Variants in ATP6V1C2 observed in about 807,000 individuals in gnomAD.
ATP6V1C2 encodes ATPase H+ transporting V1 subunit C2.
ATP6V1C2 carries 45 observed loss-of-function variants against 56.8 expected under a neutral mutation model. The observed-to-expected ratio is 0.79, with a 90% CI of 0.62 to 1.02. The LOEUF (loss-of-function observed/expected upper bound fraction) is 1.02, where lower values mean the gene tolerates loss of function less well. ATP6V1C2 is among the 50% of genes least tolerant of loss of function. The pLI is 0.00. For missense variants in ATP6V1C2, 463 were observed against 519.7 expected, an observed-to-expected ratio of 0.89 and a Z score of 1.06; for synonymous variants, 220 against 201.3, an observed-to-expected ratio of 1.09 and a Z score of -0.79.
At position 10,784,358 on chromosome 2, in the gene ATP6V1C2, T is replaced by A; in HGVS notation, c.*1095T>A. The stretch of plus-strand genomic sequence containing the variant: ...GACGACAGAAAGCCACTGTTAGATC[T>A]GCAGAAGGGGACACCCTGGAAGGTC... On this transcript the variant is annotated 3_prime_UTR_variant, in exon 14 of 14. Transcript: ENST00000272238. The A allele has an allele frequency of 6.4e-7, 1 of 1,572,952 alleles. No homozygotes were observed. The highest frequency in any genetic ancestry group is 8.7e-7 in the Non-Finnish European group (1 of 1,147,154).
intron 5 of ATP6V1C2, 146 bp downstream of exon 5, chr2:10,764,571 AG>A (rs1664113862): frequency 3.0e-6 from 2 of 676,884 alleles, no homozygotes; most frequent in South Asian, 3.6e-5. Flanking sequence ...TGCACTGGGC[AG>A]GTTTGGGGTT....
At chr2:10,723,566 C>T (rs1262271999) in intron 2 of ATP6V1C2, among the ~76,000 whole-genome samples, 1 of 151,822 alleles carries the variant, frequency 6.6e-6, no homozygotes, top group Non-Finnish European at 1.5e-5. Context: ...AGGCCAGGCG[C>T]GGTGGCTCAC....
At chr2:10,721,944 G>C (rs1415441279) in intron 1 of ATP6V1C2, among the ~76,000 whole-genome samples, 1 of 152,238 alleles carries the variant, frequency 6.6e-6, no homozygotes, top group Non-Finnish European at 1.5e-5. Context: ...GCGGAAAGGA[G>C]CTGCGTTGGG....
intron 3 of ATP6V1C2, among the ~76,000 whole-genome samples, chr2:10,752,293 T>C (rs926392919): frequency 6.6e-6 from 1 of 152,206 alleles, no homozygotes; most frequent in Non-Finnish European, 1.5e-5. Flanking sequence ...CCTTTGCTTT[T>C]ATCAGGGTGT....
intron 6 of ATP6V1C2, 26 bp downstream of exon 6, chr2:10,768,836 T>C: frequency 1.3e-6 from 2 of 1,598,970 alleles, no homozygotes; most frequent in Non-Finnish European, 1.7e-6. Flanking sequence ...CCTCCACATC[T>C]GGCGGGGGCA....
chr2:10,737,738 G>A (rs1490259972), intron 3 of ATP6V1C2, among the ~76,000 whole-genome samples: 1 of 152,212 alleles, frequency 6.6e-6, no homozygotes, highest in Non-Finnish European at 1.5e-5. Flanking sequence ...CGCCCAGGCT[G>A]GAGTGAAGTG....
At chr2:10,779,179 A>T (rs1440694036) in intron 12 of ATP6V1C2, among the ~76,000 whole-genome samples, 1 of 151,086 alleles carries the variant, frequency 6.6e-6, no homozygotes, top group Non-Finnish European at 1.5e-5. Context: ...TTCCTGGCTC[A>T]CTGAAACCTC....
At chr2:10,773,476 G>A (rs1464444506) in intron 8 of ATP6V1C2, among the ~76,000 whole-genome samples, 4 of 152,166 alleles carry the variant, frequency 2.6e-5, no homozygotes, top group Non-Finnish European at 4.4e-5. Context: ...TCCGCCTTCC[G>A]GGTTTAAGCA....
chr2:10,778,467 C>G (rs1665139538), intron 11 of ATP6V1C2, 105 bp from the exon 12 acceptor site: 1 of 1,057,048 alleles, frequency 9.5e-7, no homozygotes, highest in East Asian at 2.5e-5. Flanking sequence ...CTCCTGGGCA[C>G]TTCTTCTCAG....
chr2:10,779,352 C>T (rs1413710348), intron 12 of ATP6V1C2, among the ~76,000 whole-genome samples: 4 of 150,206 alleles, frequency 2.7e-5, no homozygotes, highest in Non-Finnish European at 5.9e-5. Flanking sequence ...TCAGATGATC[C>T]GCCCACCTTG....
intron 3 of ATP6V1C2, among the ~76,000 whole-genome samples, chr2:10,732,344 C>T (rs574087545): frequency 9.8e-4 from 149 of 152,142 alleles, no homozygotes; most frequent in Non-Finnish European, 1.7e-3. Flanking sequence ...CTGCAACCTC[C>T]GCCTCCCGGG....
chr2:10,776,624 G>A (rs1449179067), intron 10 of ATP6V1C2, among the ~76,000 whole-genome samples: 2 of 152,232 alleles, frequency 1.3e-5, no homozygotes, highest in African/African-American at 4.8e-5. Context: ...GCTCGATTCA[G>A]TCCTGGTCCC....
chr2:10,765,052 C>T (rs867665254), intron 5 of ATP6V1C2, among the ~76,000 whole-genome samples: 44 of 152,246 alleles, frequency 2.9e-4, no homozygotes, highest in Middle Eastern at 6.8e-3. Context: ...CCTCTAGCCC[C>T]CAGGGGATTG....
At chr2:10,741,959 G>A (rs958521667) in intron 3 of ATP6V1C2, among the ~76,000 whole-genome samples, 4 of 148,566 alleles carry the variant, frequency 2.7e-5, no homozygotes, top group African/African-American at 9.9e-5. Flanking sequence ...GGCTTAGGCT[G>A]GAGTGCAATG....
At chr2:10,724,003 C>A (rs1661504451) in intron 2 of ATP6V1C2, among the ~76,000 whole-genome samples, 1 of 151,878 alleles carries the variant, frequency 6.6e-6, no homozygotes, top group Non-Finnish European at 1.5e-5. Context: ...CTCAGGTGAT[C>A]CACCTGCCTC....
chr2:10,771,084 T>C (rs557781943), intron 6 of ATP6V1C2, among the ~76,000 whole-genome samples: 26 of 152,254 alleles, frequency 1.7e-4, no homozygotes, highest in Middle Eastern at 6.8e-3. Context: ...ACGCAGCTGG[T>C]CAGTGATGTT....
In ATP6V1C2 at chr2:10,784,214, G is replaced by T; in HGVS notation, c.*951G>T. 2 of 1,507,818 alleles carry T rather than the reference G, an allele frequency of 1.3e-6. No homozygotes were observed. Among genetic ancestry groups the T allele is most frequent in the Non-Finnish European group, 1.8e-6 (2 of 1,093,896 alleles). The allele number at this position is 1,507,818 out of a possible 1,614,324, so 93.4% of individuals were successfully genotyped here. A position where few individuals can be genotyped will look rare whatever the true frequency, so the allele number is the denominator to read the frequency against. On this transcript the variant is annotated 3_prime_UTR_variant, in exon 14 of 14. Transcript: ENST00000272238. ...CCCTTCACTGCTGGAAAAATCCACT[G>T]GCTCCCAAGAAAAGAAAATGGTCTG... is the stretch of plus-strand genomic sequence containing the variant.
rs1486067973 is a variant in ATP6V1C2, at chr2:10,777,670, G to A, written c.911G>A (p.Arg304Lys). The A allele has an allele frequency of 6.2e-7, 1 of 1,613,932 alleles. No homozygotes were observed. The highest frequency in any genetic ancestry group is 8.5e-7 in the Non-Finnish European group (1 of 1,180,014). Residue 304 changes from arginine (R) to lysine (K), a missense_variant, in exon 11 of 14, where the codon AGG (arginine) becomes AAG (lysine). Coordinates refer to ENST00000272238, the MANE Select transcript of ATP6V1C2 (RefSeq NM_001039362.2). ...GTAACCCCGCTAGGTAACCCTGATAGGCCTGCTGCGGGGCAGACCGACAGA... is the reference window on the plus strand; with the variant it reads ...GTAACCCCGCTAGGTAACCCTGATAAGCCTGCTGCGGGGCAGACCGACAGA... ...VKVTPLGNPD[R>K]PAAGQTDRER...
In ATP6V1C2 at chr2:10,784,575, T is replaced by C. The variant is rs1178379310; in HGVS notation, c.*1312T>C. On this transcript the variant is annotated 3_prime_UTR_variant, in exon 14 of 14. Coordinates refer to ENST00000272238, the MANE Select transcript of ATP6V1C2 (RefSeq NM_001039362.2). The stretch of plus-strand genomic sequence containing the variant: ...CTGGAAGCCACTTGAACGTGTCCTT[T>C]TGAGGAGGGTGGGACACAACAGTAC... 11 of 522,728 alleles carry C rather than the reference T, an allele frequency of 2.1e-5. 1 individual carries two copies. The highest frequency in any genetic ancestry group is 4.8e-4 in the Middle Eastern group (1 of 2,066). The allele number at this position is 522,728 out of a possible 1,614,324, so 32.4% of individuals were successfully genotyped here. A position where few individuals can be genotyped will look rare whatever the true frequency, so the allele number is the denominator to read the frequency against.
Sources: allele counts gnomAD v4.1 joint callset (sites outside exome capture counted in the v4.1 genomes callset), GRCh38; gene constraint gnomAD v4.1.1; transcripts MANE v1.5; gene names NCBI Gene and HGNC (gene_info 2026-07-23, HGNC 2026-07-21).